The following CLSTN2 variants were observed in gnomAD, a reference collection of about 807,000 sequenced individuals.
The protein encoded by CLSTN2 is calsyntenin-2.
CLSTN2 carries 48 observed loss-of-function variants against 101.2 expected under a neutral mutation model. The ratio of observed to expected loss-of-function variants is 0.47; its 90% CI spans 0.38 to 0.60. The LOEUF is 0.60. Among genes scored for constraint, CLSTN2 ranks in the 20% least tolerant of loss-of-function variants. CLSTN2 has a pLI of 0.00. For synonymous variants in CLSTN2, 481 were observed against 463.6 expected (o/e 1.04, Z -0.48); for missense variants, 1,160 against 1,238.2 (o/e 0.94, Z 0.95).
intron 6 of CLSTN2, among the ~76,000 whole-genome samples, chr3:140,455,899 C>T (rs888149987): frequency 6.6e-6 from 1 of 152,226 alleles, no homozygotes; most frequent in African/African-American, 2.4e-5. Context: ...CAGGCAACAT[C>T]TGCGGGTTAG....
intron 8 of CLSTN2, among the ~76,000 whole-genome samples, chr3:140,484,774 C>T (rs1197087870): frequency 1.3e-5 from 2 of 152,210 alleles, no homozygotes; most frequent in Non-Finnish European, 2.9e-5. Flanking sequence ...CTTGTGCATT[C>T]ATCACGTAGC....
At chr3:140,415,360 T>C (rs539650775) in intron 4 of CLSTN2, among the ~76,000 whole-genome samples, 39 of 151,816 alleles carry the variant, frequency 2.6e-4, no homozygotes, top group Non-Finnish European at 5.2e-4. Context: ...ACTAAAAAGC[T>C]CTGCATAGTG....
At chr3:140,063,595 A>G (rs1248124935) in intron 1 of CLSTN2, among the ~76,000 whole-genome samples, 1 of 152,182 alleles carries the variant, frequency 6.6e-6, no homozygotes, top group Admixed American at 6.5e-5. Context: ...TGGAAAATAA[A>G]TCTTTTAAAA....
intron 1 of CLSTN2, among the ~76,000 whole-genome samples, chr3:140,034,003 C>T (rs1221817685): frequency 6.6e-6 from 1 of 152,158 alleles, no homozygotes; most frequent in East Asian, 1.9e-4. Context: ...CACCAATGTA[C>T]ATTTTCAATT....
At chr3:140,281,402 A>G (rs946548419) in intron 2 of CLSTN2, among the ~76,000 whole-genome samples, 5 of 152,102 alleles carry the variant, frequency 3.3e-5, no homozygotes, top group Non-Finnish European at 7.4e-5. Context: ...GCTCACCCTT[A>G]TCTCATCACC....
intron 1 of CLSTN2, among the ~76,000 whole-genome samples, chr3:140,151,519 G>A (rs753169173): frequency 1.3e-5 from 2 of 152,038 alleles, no homozygotes; most frequent in East Asian, 1.9e-4. Context: ...ACGGGGTGAC[G>A]GGAGTTGCTG....
At chr3:140,302,860 A>G (rs905306360) in intron 2 of CLSTN2, among the ~76,000 whole-genome samples, 5 of 152,160 alleles carry the variant, frequency 3.3e-5, no homozygotes, top group Non-Finnish European at 5.9e-5. Flanking sequence ...GTGTGGAGTC[A>G]GGTGGGCTCA....
chr3:140,070,300 T>C (rs2008369515), intron 1 of CLSTN2, among the ~76,000 whole-genome samples: 1 of 152,198 alleles, frequency 6.6e-6, no homozygotes, highest in Admixed American at 6.5e-5. Context: ...TTCACAAATG[T>C]TGCATACAAT....
At chr3:140,052,560 C>G (rs1407357461) in intron 1 of CLSTN2, among the ~76,000 whole-genome samples, 6 of 152,274 alleles carry the variant, frequency 3.9e-5, no homozygotes, top group Admixed American at 2.6e-4. Context: ...GGATCATAAC[C>G]CTGGGGGAAG....
intron 1 of CLSTN2, among the ~76,000 whole-genome samples, chr3:139,947,598 A>G (rs995468963): frequency 6.6e-6 from 1 of 152,196 alleles, no homozygotes; most frequent in African/African-American, 2.4e-5. Context: ...GAAAGCTAAA[A>G]TTACTCACAA....
At chr3:139,942,167 C>T (rs1212218076) in intron 1 of CLSTN2, among the ~76,000 whole-genome samples, 1 of 152,118 alleles carries the variant, frequency 6.6e-6, no homozygotes, top group Non-Finnish European at 1.5e-5. Flanking sequence ...GCCTTGCTGT[C>T]CAAGAATATT....
At chr3:140,547,521 C>T (rs551354948) in intron 10 of CLSTN2, among the ~76,000 whole-genome samples, 28 of 152,124 alleles carry the variant, frequency 1.8e-4, no homozygotes, top group African/African-American at 6.3e-4. Flanking sequence ...AAAACATGAA[C>T]AGTTCATGAT....
rs149848470 is a variant in CLSTN2 at position 140,396,415 on chromosome 3, A to G, written c.233-7214A>G. Among the ~76,000 whole-genome samples, 722 of 152,296 alleles carry G rather than the reference A, an allele frequency of 4.7e-3. 8 individuals carry two copies. The highest frequency in any genetic ancestry group is 0.017 in the African/African-American group (697 of 41,562). ...CTACCTTCAGCCTTTTCAGTTCTTA[A>G]ACAGGAACAGGGAGTTTGCCTGAGG... On this transcript the variant is annotated intron_variant, in intron 2 of 16. Transcript: ENST00000458420.
At chr3:140,283,292 G>C (rs2086865564) in intron 2 of CLSTN2, among the ~76,000 whole-genome samples, 1 of 152,062 alleles carries the variant, frequency 6.6e-6, no homozygotes, top group African/African-American at 2.4e-5. Context: ...ATGAAATTTG[G>C]TATTTATTAT....
At chr3:140,408,706 C>T (rs372266969) in intron 4 of CLSTN2, among the ~76,000 whole-genome samples, 6 of 152,270 alleles carry the variant, frequency 3.9e-5, no homozygotes, top group African/African-American at 1.2e-4. Context: ...TAGCTGCTGC[C>T]GTTGTAGACA....
At chr3:140,321,104 C>A (rs1021850122) in intron 2 of CLSTN2, among the ~76,000 whole-genome samples, 4 of 152,152 alleles carry the variant, frequency 2.6e-5, no homozygotes, top group Admixed American at 2.6e-4. Context: ...GGCAAGGTGC[C>A]CTAGCTGACT....
chr3:140,301,812 A>T (rs1470617751), intron 2 of CLSTN2, among the ~76,000 whole-genome samples: 1 of 151,826 alleles, frequency 6.6e-6, no homozygotes, highest in African/African-American at 2.4e-5. Flanking sequence ...GCCCATCCCT[A>T]CCTCCTGCCC....
chr3:140,503,452 G>A (rs980625643), intron 8 of CLSTN2, among the ~76,000 whole-genome samples: 3 of 152,164 alleles, frequency 2.0e-5, no homozygotes, highest in Non-Finnish European at 4.4e-5. Flanking sequence ...AGGAGCAATA[G>A]GCTGTACCAT....
chr3:140,550,404 T>C (rs1230102442), intron 10 of CLSTN2, among the ~76,000 whole-genome samples: 1 of 151,424 alleles, frequency 6.6e-6, no homozygotes, highest in Non-Finnish European at 1.5e-5. Flanking sequence ...TTGCTCTCAA[T>C]AGCTAATCAC....
Sources: allele counts gnomAD v4.1 joint callset (sites outside exome capture counted in the v4.1 genomes callset), GRCh38; gene constraint gnomAD v4.1.1; transcripts MANE v1.5; gene names NCBI Gene and HGNC (gene_info 2026-07-23, HGNC 2026-07-21).